Variants in DNAH7 observed in about 807,000 individuals in gnomAD.
DNAH7 encodes dynein axonemal heavy chain 7.
In DNAH7, 397 loss-of-function variants were observed where a neutral mutation model predicts 444.6. The ratio of observed to expected loss-of-function variants is 0.89; its 90% CI spans 0.82 to 0.97. The LOEUF (loss-of-function observed/expected upper bound fraction) is 0.97. DNAH7 is among the 50% of genes least tolerant of loss of function. The pLI is 0.00. For synonymous variants in DNAH7, 1,636 were observed against 1,624.4 expected, an observed-to-expected ratio of 1.01 and a Z score of -0.17; for missense variants, 4,902 against 4,800.8, an observed-to-expected ratio of 1.02 and a Z score of -0.62.
rs778417940 is a variant in DNAH7 at position 195,809,818 on chromosome 2, C to G, written c.9815G>C (p.Arg3272Pro). The G allele has an allele frequency of 5.0e-6, 8 of 1,596,930 alleles. No homozygotes were observed. Among genetic ancestry groups the G allele is most frequent in the Non-Finnish European group, 6.8e-6 (8 of 1,170,944 alleles). Residue 3272 changes from arginine to proline, a missense_variant, in exon 52 of 65, where the codon CGG (arginine) becomes CCG (proline). Coordinates refer to ENST00000312428, the MANE Select transcript of DNAH7 (RefSeq NM_018897.3). The part of the protein sequence containing the change: ...FTYSLYVNVC[R>P]SLFEKDKLLF... Reference sequence around the variant, plus strand: ...CAGCTTATCCTTTTCAAAGAGTGACCGGCAGACATTAACATACAGTGAATA... The same window carrying G: ...CAGCTTATCCTTTTCAAAGAGTGACGGGCAGACATTAACATACAGTGAATA...
At chr2:195,779,813 C>T (rs1695286228) in intron 58 of DNAH7, among the ~76,000 whole-genome samples, 1 of 152,028 alleles carries the variant, frequency 6.6e-6, no homozygotes, top group African/African-American at 2.4e-5. Context: ...ACCATGTTGC[C>T]CAGGCTGGCC....
chr2:195,799,480 G>T lies in DNAH7; in HGVS notation c.10177-8C>A, dbSNP rs576279215. On this transcript the variant is annotated splice_region_variant and splice_polypyrimidine_tract_variant and intron_variant, in intron 54 of 64. Coordinates refer to ENST00000312428, the MANE Select transcript of DNAH7 (RefSeq NM_018897.3). ...CTGCAACATTGGAATAACCTAGAAA[G>T]AGACAAGGATATAGTTGGAAGAATA... 7 of 1,577,006 alleles carry T rather than the reference G, an allele frequency of 4.4e-6. No homozygotes were observed. The highest frequency in any genetic ancestry group is 6.0e-6 in the Non-Finnish European group (7 of 1,162,940).
intron 19 of DNAH7, among the ~76,000 whole-genome samples, chr2:195,947,216 C>T (rs1689874105): frequency 1.3e-5 from 2 of 150,892 alleles, no homozygotes; most frequent in South Asian, 2.1e-4. Flanking sequence ...AGGCTGGTCT[C>T]GAACTCCTGA....
intron 31 of DNAH7, among the ~76,000 whole-genome samples, chr2:195,890,782 G>A (rs1220181399): frequency 6.6e-6 from 1 of 152,202 alleles, no homozygotes; most frequent in African/African-American, 2.4e-5. Flanking sequence ...GCAGAGCTGA[G>A]ATTTCACGTT....
Position 195,864,352 on chromosome 2 carries a change from C to G in DNAH7, c.7303G>C (p.Asp2435His). 1 of 1,614,186 alleles carries G rather than the reference C, an allele frequency of 6.2e-7. No homozygotes were observed. The highest frequency in any genetic ancestry group is 2.2e-5 in the East Asian group (1 of 44,888). ...TGGCGATCTAACTGACGCATCTTAT[C>G]ACATATCTCTTGCTTCTCATCTAAT... ...FALDEKQEIC[D>H]KMRQLDRQRD... The change falls in exon 41 of 65, where the codon GAT becomes CAT. Residue 2435 changes from aspartate to histidine, a missense_variant. Asp to His is a moderately conservative substitution (Grantham distance 81). Transcript: ENST00000312428.
chr2:195,775,731 A>T, intron 60 of DNAH7, 115 bp downstream of exon 60: 2 of 1,189,964 alleles, frequency 1.7e-6, no homozygotes, highest in Non-Finnish European at 2.3e-6. Context: ...CTTTTCCTTT[A>T]AATGTTTCTC....
At chr2:195,957,115 A>C (rs1369768352) in intron 19 of DNAH7, 146 bp downstream of exon 19, 3 of 661,732 alleles carry the variant, frequency 4.5e-6, no homozygotes, top group East Asian at 6.6e-5. Context: ...TGCTCCTGGC[A>C]TTCTAAAATA....
chr2:195,990,882 C>CAT (rs1381701698), intron 12 of DNAH7, among the ~76,000 whole-genome samples: 3 of 118,922 alleles, frequency 2.5e-5, no homozygotes, highest in Admixed American at 8.9e-5. Context: ...TAAATATATA[C>CAT]ATATATACTT....
intron 27 of DNAH7, 165 bp from the exon 28 acceptor site, chr2:195,900,659 G>A: frequency 1.7e-6 from 1 of 598,860 alleles, no homozygotes. Context: ...AAGGTGAGGT[G>A]GGGCAATGGG....
chr2:195,988,168 T>C lies in DNAH7; in HGVS notation c.1415A>G (p.His472Arg). ...PIILNEIVDAHKEKIKEVIMK... is the reference protein window; with the variant it reads ...PIILNEIVDARKEKIKEVIMK... ...AATAACTTCCTTGATCTTTTCTTTG[T>C]GAGCATCTACAATTTCATTCAGAAT... The change falls in exon 13 of 65, where the codon CAC becomes CGC. Residue 472 changes from histidine to arginine, a missense_variant. By Grantham distance (29) the His-to-Arg change is conservative. Transcript: ENST00000312428. The C allele has an allele frequency of 6.2e-7, 1 of 1,613,598 alleles. No homozygotes were observed. Among genetic ancestry groups the C allele is most frequent in the Non-Finnish European group, 8.5e-7 (1 of 1,179,708 alleles).
At position 195,958,263 on chromosome 2, in the gene DNAH7, G is replaced by A. The variant is rs553399198; in HGVS notation, c.2892-816C>T. Among the ~76,000 whole-genome samples the A allele has an allele frequency of 3.5e-4, 53 of 152,132 alleles. 1 individual carries two copies. The South Asian group carries it at 0.011, about 30-fold the overall frequency. On this transcript the variant is annotated intron_variant, in intron 18 of 64. Transcript: ENST00000312428. ...TCAGTATACTTGGCATGAAGATGAC[G>A]AGGATGAAGATCTTCATGATGATCC... is the stretch of plus-strand genomic sequence containing the variant.
intron 48 of DNAH7, among the ~76,000 whole-genome samples, chr2:195,830,868 C>A (rs1698035870): frequency 6.6e-6 from 1 of 152,192 alleles, no homozygotes; most frequent in Non-Finnish European, 1.5e-5. Context: ...AAGACTGAGT[C>A]TGTCTTATTC....
At chr2:195,996,722 G>A (rs889644331) in intron 12 of DNAH7, among the ~76,000 whole-genome samples, 2 of 152,046 alleles carry the variant, frequency 1.3e-5, no homozygotes, top group South Asian at 2.1e-4. Flanking sequence ...CACCATGCCC[G>A]TCCCCAACTT....
rs760968664 is a variant in DNAH7, at chr2:195,891,677, A to C, written c.5024T>G (p.Phe1675Cys). 1 of 1,595,054 alleles carries C rather than the reference A, an allele frequency of 6.3e-7. No individual in the cohort carries two copies. The highest frequency in any genetic ancestry group is 8.5e-7 in the Non-Finnish European group (1 of 1,172,256). The change falls in exon 31 of 65, where the codon TTT becomes TGT. Residue 1675 changes from phenylalanine to cysteine, a missense_variant. Physicochemically the swap from Phe to Cys is radical, Grantham distance 205. Coordinates refer to ENST00000312428, the MANE Select transcript of DNAH7 (RefSeq NM_018897.3). ...TACCACTGAAGAGGCAAATGCTCTAAAACTGACAGCAAGGACCCCATCAGA... is the reference window on the plus strand; with the variant it reads ...TACCACTGAAGAGGCAAATGCTCTACAACTGACAGCAAGGACCCCATCAGA... Reference protein sequence around the residue: ...EWSDGVLAVSFRAFASSVTPD... With the variant: ...EWSDGVLAVSCRAFASSVTPD...
chr2:195,971,038 G>A (rs754485877), intron 16 of DNAH7, among the ~76,000 whole-genome samples: 3 of 152,060 alleles, frequency 2.0e-5, no homozygotes, highest in Non-Finnish European at 4.4e-5. Flanking sequence ...TACTCATGAT[G>A]TTTTCTGCAG....
chr2:195,825,943 C>T (rs1697722376), intron 48 of DNAH7, among the ~76,000 whole-genome samples: 1 of 152,180 alleles, frequency 6.6e-6, no homozygotes, highest in Non-Finnish European at 1.5e-5. Context: ...TCTCAGCCAA[C>T]AGCCTGTCAG....
At chr2:195,921,890 G>C (rs909891252) in intron 24 of DNAH7, among the ~76,000 whole-genome samples, 198 bp downstream of exon 24, 22 of 152,148 alleles carry the variant, frequency 1.4e-4, no homozygotes, top group Middle Eastern at 3.2e-3. Flanking sequence ...CTAATACTTA[G>C]AGCCCTAGTA....
chr2:195,949,852 G>C (rs1690097095), intron 19 of DNAH7, among the ~76,000 whole-genome samples: 1 of 152,146 alleles, frequency 6.6e-6, no homozygotes, highest in South Asian at 2.1e-4. Flanking sequence ...TGCATCTATT[G>C]AGATAATCAT....
intron 62 of DNAH7, among the ~76,000 whole-genome samples, chr2:195,755,296 A>C (rs1694018338): frequency 6.6e-6 from 1 of 152,240 alleles, no homozygotes; most frequent in Non-Finnish European, 1.5e-5. Context: ...TGTACAAGGA[A>C]TTCCTGGAAG....
Sources: gnomAD v4.1 joint callset for allele counts (sites outside exome capture counted in the v4.1 genomes callset) on GRCh38, gnomAD v4.1.1 for gene constraint, MANE v1.5 for transcripts, NCBI Gene and HGNC (gene_info 2026-07-23, HGNC 2026-07-21) for gene names.